ETS1: variants seen among roughly 807,000 people sequenced by gnomAD.
ETS1 encodes the protein ETS proto-oncogene 1, transcription factor, also known as protein C-ets-1.
ETS1 carries 15 observed loss-of-function variants against 58.6 expected under a neutral mutation model. The ratio of observed to expected loss-of-function variants is 0.26; its 90% CI spans 0.17 to 0.39. The LOEUF is 0.39. ETS1 is among the 10% of genes least tolerant of loss of function. The pLI, the probability that ETS1 is intolerant of heterozygous loss-of-function variation, is 1.00. For missense variants in ETS1, 417 were observed against 610.5 expected (o/e 0.68, Z 3.34); for synonymous variants, 214 against 218.2 (o/e 0.98, Z 0.17).
intron 3 of ETS1, among the ~76,000 whole-genome samples, chr11:128,520,135 C>T (rs763429966): frequency 6.6e-6 from 1 of 152,200 alleles, no homozygotes; most frequent in African/African-American, 2.4e-5. Context: ...TTATTGTTCC[C>T]ATTTTACAGA....
chr11:128,503,150 T>C lies in ETS1; in HGVS notation c.215-12574A>G, dbSNP rs146605504. ...TGGAAAACCAACATGTAAGGAGATA[T>C]ACAAATCTAAATAAGATTTTTTTTC... On this transcript the variant is annotated intron_variant, in intron 3 of 9. Transcript: ENST00000392668. Among the ~76,000 whole-genome samples the C allele has an allele frequency of 2.3e-3, 347 of 152,356 alleles. 1 individual carries two copies. Among genetic ancestry groups the C allele is most frequent in the African/African-American group, 8.0e-3 (332 of 41,580 alleles).
chr11:128,579,218 C>A lies in ETS1; in HGVS notation c.-14-6074G>T, dbSNP rs578047697. On this transcript the variant is annotated intron_variant, in intron 1 of 9. Transcript: ENST00000392668. ...GCAGAAAATGTAGATTTCTCCCCAC[C>A]ACCCCTCACCCCAGCCTTTCCTCTT... Among the ~76,000 whole-genome samples, 5 of 152,286 alleles carry A rather than the reference C, an allele frequency of 3.3e-5. No homozygotes were observed. In the South Asian group the frequency reaches 1.0e-3, roughly 32 times the overall value.
At chr11:128,509,062 G>A (rs1178874749) in intron 3 of ETS1, among the ~76,000 whole-genome samples, 1 of 152,010 alleles carries the variant, frequency 6.6e-6, no homozygotes, top group Non-Finnish European at 1.5e-5. Context: ...CTAAATCGCT[G>A]TTCGGTTCAC....
chr11:128,471,899 T>A (rs1862197699), intron 8 of ETS1, among the ~76,000 whole-genome samples: 1 of 152,220 alleles, frequency 6.6e-6, no homozygotes, highest in African/African-American at 2.4e-5. Context: ...GGGTTAAGTT[T>A]TCCCTGCATG....
intron 3 of ETS1, among the ~76,000 whole-genome samples, chr11:128,541,064 T>G (rs1261102153): frequency 1.3e-5 from 2 of 152,144 alleles, no homozygotes; most frequent in African/African-American, 4.8e-5. Context: ...CACCCTCAGT[T>G]TCACGTGACT....
chr11:128,499,545 G>T (rs1051894980), intron 3 of ETS1, among the ~76,000 whole-genome samples: 2 of 152,178 alleles, frequency 1.3e-5, no homozygotes, highest in Non-Finnish European at 2.9e-5. Flanking sequence ...CACATCTTCA[G>T]ACACGCAAGC....
At chr11:128,492,275 G>T (rs1460699430) in intron 3 of ETS1, among the ~76,000 whole-genome samples, 1 of 152,254 alleles carries the variant, frequency 6.6e-6, no homozygotes, top group Non-Finnish European at 1.5e-5. Flanking sequence ...ATGAAATTAA[G>T]CATAGGATAA....
At chr11:128,545,376 T>C (rs1346657332) in intron 3 of ETS1, among the ~76,000 whole-genome samples, 2 of 152,214 alleles carry the variant, frequency 1.3e-5, no homozygotes, top group Non-Finnish European at 2.9e-5. Context: ...AGGCAAAATG[T>C]GTATGGTGGT....
intron 3 of ETS1, among the ~76,000 whole-genome samples, chr11:128,505,673 G>C (rs1344121590): frequency 1.3e-5 from 2 of 152,152 alleles, no homozygotes; most frequent in African/African-American, 4.8e-5. Context: ...CAGATCAATG[G>C]GCGAGACCAA....
intron 8 of ETS1, among the ~76,000 whole-genome samples, chr11:128,478,613 A>C: frequency 6.6e-6 from 1 of 152,182 alleles, no homozygotes; most frequent in East Asian, 1.9e-4. Context: ...CTACCTCCCA[A>C]GGCCACAAAG....
chr11:128,541,129 T>C (rs1209948869), intron 3 of ETS1, among the ~76,000 whole-genome samples: 1 of 152,234 alleles, frequency 6.6e-6, no homozygotes, highest in African/African-American at 2.4e-5. Flanking sequence ...ACCATCCCTC[T>C]CATCATTCCC....
In ETS1 at chr11:128,489,427, C is replaced by G. The variant is rs1862734939; in HGVS notation, c.398G>C (p.Ser133Thr). ...DWVMWAVNEF[S>T]LKGVDFQKFC... ...CTTCTGGAAGTCTACACCTTTCAGG[C>G]TGAATTCATTCACAGCCCACATCAC... Residue 133 changes from serine (S) to threonine (T), a missense_variant, in exon 5 of 10, where the codon AGC (serine) becomes ACC (threonine). Ser to Thr is a moderately conservative substitution (Grantham distance 58, BLOSUM62 1). This residue lies in a region of ETS1 where 132 missense variants were observed against 212.1 expected (regional missense o/e 0.62). Transcript: ENST00000392668. The G allele has an allele frequency of 6.2e-7, 1 of 1,614,060 alleles. No individual in the cohort carries two copies. The highest frequency in any genetic ancestry group is 8.5e-7 in the Non-Finnish European group (1 of 1,180,020).
chr11:128,480,124 GC>G, intron 8 of ETS1, 66 bp downstream of exon 8: 1 of 1,584,064 alleles, frequency 6.3e-7, no homozygotes, highest in Non-Finnish European at 8.6e-7. Flanking sequence ...GGTGCAGAGT[GC>G]CTTCCAGGAC....
intron 3 of ETS1, among the ~76,000 whole-genome samples, chr11:128,543,358 C>T (rs1177806356): frequency 6.6e-6 from 1 of 152,076 alleles, no homozygotes; most frequent in Non-Finnish European, 1.5e-5. Context: ...TAGATTCTCT[C>T]CCCCATCTTT....
At chr11:128,566,236 C>T (rs1029149953) in intron 2 of ETS1, among the ~76,000 whole-genome samples, 4 of 152,082 alleles carry the variant, frequency 2.6e-5, no homozygotes, top group African/African-American at 9.7e-5. Flanking sequence ...CATGGACAAG[C>T]GGAAATCCTC....
In ETS1 at chr11:128,464,295, C is replaced by T. The variant is rs1455489570; in HGVS notation, c.1124-668G>A. 6.7e-6 allele frequency among the ~76,000 whole-genome samples: 1 copy of T among 149,896 alleles called. No homozygotes were observed. The highest frequency in any genetic ancestry group is 1.5e-5 in the Non-Finnish European group (1 of 67,804). On this transcript the variant is annotated intron_variant, in intron 8 of 9. Transcript: ENST00000392668. This position sits in a 1 kb window ranked among gnomAD's most constrained non-coding sequence, Gnocchi z 4.1. Reference sequence around the variant, plus strand: ...GGAATTAACGTGCCACCCAGAAAATCCTCAGGGGTCAGATGAGGACTGTCA... The same window carrying T: ...GGAATTAACGTGCCACCCAGAAAATTCTCAGGGGTCAGATGAGGACTGTCA...
At chr11:128,579,659 GAAA>G (rs201475278) in intron 1 of ETS1, among the ~76,000 whole-genome samples, 4 of 62,336 alleles carry the variant, frequency 6.4e-5, no homozygotes, top group Non-Finnish European at 6.6e-5. Flanking sequence ...AAACTCCATT[GAAA>G]AAAAAAAAAA....
chr11:128,573,889 A>T (rs1177861387), intron 1 of ETS1, among the ~76,000 whole-genome samples: 4 of 152,228 alleles, frequency 2.6e-5, no homozygotes, highest in Non-Finnish European at 5.9e-5. Flanking sequence ...CTATGCATTT[A>T]AAAAGTCGTT....
intron 1 of ETS1, among the ~76,000 whole-genome samples, chr11:128,576,292 G>A (rs7126621): frequency 0.42 from 63,665 of 152,098 alleles, 13,702 homozygotes; most frequent in Non-Finnish European, 0.46. Context: ...ACAGCTGCTA[G>A]AGACGTAAAC....
Sources: gnomAD v4.1 joint callset for allele counts (sites outside exome capture counted in the v4.1 genomes callset) on GRCh38, gnomAD v4.1.1 for gene constraint, gnomAD v4.1.1 regional missense constraint, Gnocchi (gnomAD v3.1) non-coding constraint, MANE v1.5 for transcripts, NCBI Gene and HGNC (gene_info 2026-07-23, HGNC 2026-07-21) for gene names.